CDH13: variants seen among roughly 807,000 people sequenced by gnomAD.
The protein encoded by CDH13 is cadherin 13.
A neutral mutation model predicts 63.8 loss-of-function variants in CDH13; 24 were observed. The ratio of observed to expected loss-of-function variants is 0.38; its 90% CI spans 0.27 to 0.53. The LOEUF (loss-of-function observed/expected upper bound fraction) is 0.53. CDH13 is among the 20% of genes least tolerant of loss of function. CDH13 has a pLI of 0.85. For synonymous variants in CDH13, 503 were observed against 355.3 expected, an observed-to-expected ratio of 1.42 and a Z score of -4.67; for missense variants, 1,049 against 903.1, an observed-to-expected ratio of 1.16 and a Z score of -2.07.
At chr16:83,198,303 A>G (rs1307505268) in intron 4 of CDH13, among the ~76,000 whole-genome samples, 1 of 149,616 alleles carries the variant, frequency 6.7e-6, no homozygotes, top group Non-Finnish European at 1.5e-5. Context: ...TCCAAATGTA[A>G]CACTAAATCA....
Position 83,206,661 on chromosome 16 carries a change from G to A in CDH13, c.484-10684G>A, listed in dbSNP as rs1010210654. ...AATCAGACGTGGCCACTGCTCCTAG[G>A]ACCACAGAGTCTAATCAGAGAGATG... On this transcript the variant is annotated intron_variant, in intron 4 of 13. Coordinates refer to ENST00000567109, the MANE Select transcript of CDH13 (RefSeq NM_001257.5). Among the ~76,000 whole-genome samples, 17 of 152,340 alleles carry A rather than the reference G, an allele frequency of 1.1e-4. 1 individual carries two copies. The East Asian group carries it at 3.1e-3, about 28-fold the overall frequency.
intron 4 of CDH13, among the ~76,000 whole-genome samples, chr16:83,128,699 T>C (rs1001386939): frequency 6.6e-6 from 1 of 152,242 alleles, no homozygotes; most frequent in Non-Finnish European, 1.5e-5. Context: ...CTCACAAGCC[T>C]CTTTTCTTGA....
At chr16:83,374,287 C>G (rs1597861116) in intron 6 of CDH13, among the ~76,000 whole-genome samples, 1 of 152,168 alleles carries the variant, frequency 6.6e-6, no homozygotes. Context: ...TTCTTGCATC[C>G]ATTTAACTAT....
intron 6 of CDH13, among the ~76,000 whole-genome samples, chr16:83,418,503 A>G (rs1026957717): frequency 2.6e-5 from 4 of 152,166 alleles, no homozygotes; most frequent in Admixed American, 2.6e-4. Context: ...GGTTGTTCCT[A>G]TAGCTATGGG....
intron 2 of CDH13, among the ~76,000 whole-genome samples, chr16:82,960,890 T>A (rs1202362260): frequency 1.3e-5 from 2 of 152,216 alleles, no homozygotes; most frequent in African/African-American, 4.8e-5. Flanking sequence ...CATACAAATC[T>A]TTTTTAGTAC....
intron 5 of CDH13, among the ~76,000 whole-genome samples, chr16:83,228,352 G>T (rs1221366563): frequency 6.6e-6 from 1 of 152,174 alleles, no homozygotes. Flanking sequence ...CACTCAGAGG[G>T]TCTAAAATTA....
At chr16:83,367,329 A>T (rs562646928) in intron 6 of CDH13, among the ~76,000 whole-genome samples, 4 of 152,236 alleles carry the variant, frequency 2.6e-5, no homozygotes, top group African/African-American at 9.6e-5. Context: ...GATTATTAAT[A>T]TTGTATGGGA....
chr16:83,592,728 G>C (rs1313960188), intron 7 of CDH13, among the ~76,000 whole-genome samples: 1 of 152,150 alleles, frequency 6.6e-6, no homozygotes, highest in Admixed American at 6.5e-5. Flanking sequence ...CTGGAGAAAT[G>C]AGCGCTGCCT....
At chr16:82,636,116 C>A (rs1031039504) in intron 1 of CDH13, among the ~76,000 whole-genome samples, 6 of 152,048 alleles carry the variant, frequency 3.9e-5, no homozygotes, top group East Asian at 1.9e-4. Context: ...ATCCAAGAGA[C>A]ATTTAGGTGG....
intron 1 of CDH13, among the ~76,000 whole-genome samples, chr16:82,799,069 A>G (rs981063405): frequency 6.6e-6 from 1 of 152,100 alleles, no homozygotes; most frequent in Admixed American, 6.5e-5. Flanking sequence ...AAACCCAGCA[A>G]TTTGTCTCTG....
chr16:82,690,688 G>A (rs556338948), intron 1 of CDH13, among the ~76,000 whole-genome samples: 2 of 152,330 alleles, frequency 1.3e-5, no homozygotes, highest in East Asian at 3.9e-4. Context: ...TGCTCTGGAA[G>A]CCACTATGCC....
At chr16:82,949,052 C>T (rs1489301006) in intron 2 of CDH13, among the ~76,000 whole-genome samples, 1 of 152,126 alleles carries the variant, frequency 6.6e-6, no homozygotes, top group South Asian at 2.1e-4. Flanking sequence ...TGTAAACCTC[C>T]TTATGACCCA....
chr16:83,159,762 C>G (rs1462478495), intron 4 of CDH13, among the ~76,000 whole-genome samples: 2 of 152,080 alleles, frequency 1.3e-5, no homozygotes, highest in African/African-American at 2.4e-5. Flanking sequence ...CCACATTGAG[C>G]TGGATCGGTT....
intron 6 of CDH13, among the ~76,000 whole-genome samples, chr16:83,401,622 T>C (rs1028760874): frequency 1.5e-4 from 23 of 151,988 alleles, no homozygotes; most frequent in African/African-American, 5.3e-4. Flanking sequence ...AACAACCTCA[T>C]GAAGTGTATA....
chr16:83,540,331 G>A (rs941814751), intron 7 of CDH13, among the ~76,000 whole-genome samples: 2 of 152,158 alleles, frequency 1.3e-5, no homozygotes, highest in East Asian at 1.9e-4. Flanking sequence ...CTGCCCCGAA[G>A]GAGTGCTGAA....
chr16:83,198,601 A>G (rs116108509), intron 4 of CDH13, among the ~76,000 whole-genome samples: 266 of 152,262 alleles, frequency 1.7e-3, no homozygotes, highest in African/African-American at 6.2e-3. Flanking sequence ...GAAAGGGACT[A>G]TTTGGCGACA....
intron 2 of CDH13, among the ~76,000 whole-genome samples, chr16:83,006,273 G>C (rs564428290): frequency 6.6e-6 from 1 of 152,288 alleles, no homozygotes; most frequent in South Asian, 2.1e-4. Flanking sequence ...TATGCTTTTA[G>C]ACCCCAGTGA....
chr16:82,942,820 T>G (rs112462794), intron 2 of CDH13, among the ~76,000 whole-genome samples: 12,525 of 152,200 alleles, frequency 0.082, 1,640 homozygotes, highest in African/African-American at 0.28. Flanking sequence ...GGTTTCCCAA[T>G]AGATCCACCC....
chr16:83,261,705 CTTT>C (rs34277110), intron 5 of CDH13, among the ~76,000 whole-genome samples: 6 of 144,630 alleles, frequency 4.1e-5, no homozygotes, highest in Admixed American at 6.9e-5. Flanking sequence ...TTATTTTCCT[CTTT>C]TTTTTTTTTT....
Sources: gnomAD v4.1 joint callset for allele counts (sites outside exome capture counted in the v4.1 genomes callset) on GRCh38, gnomAD v4.1.1 for gene constraint, MANE v1.5 for transcripts, NCBI Gene and HGNC (gene_info 2026-07-23, HGNC 2026-07-21) for gene names.